Variants in PLCB1 observed in about 807,000 individuals in gnomAD.
The protein encoded by PLCB1 is 1-phosphatidylinositol 4,5-bisphosphate phosphodiesterase beta-1.
PLCB1 carries 46 observed loss-of-function variants against 161.8 expected under a neutral mutation model. The ratio of observed to expected loss-of-function variants is 0.28; its 90% confidence interval spans 0.22 to 0.36. The LOEUF (loss-of-function observed/expected upper bound fraction) is 0.36, where lower values mean the gene tolerates loss of function less well. Among genes scored for constraint, PLCB1 ranks in the 10% least tolerant of loss-of-function variants. PLCB1 has a pLI of 1.00. For synonymous variants in PLCB1, 517 were observed against 503.7 expected (o/e 1.03, Z -0.35); for missense variants, 1,016 against 1,472.5 (o/e 0.69, Z 5.07).
Position 8,603,839 on chromosome 20 carries a change from A to C in PLCB1, c.247-24455A>C, listed in dbSNP as rs146311106. Among the ~76,000 whole-genome samples, 256 of 152,306 alleles carry C rather than the reference A, an allele frequency of 1.7e-3. 2 individuals are homozygous for C. The highest frequency in any genetic ancestry group is 0.01 in the Middle Eastern group (3 of 294). On this transcript the variant is annotated intron_variant, in intron 3 of 31. Transcript: ENST00000338037. ...GGACAGGTCAAAGTGGGTGATTTCA[A>C]CTGCTTAATGGGTACAGAATTTTAT...
At chr20:8,794,797 A>C (rs1983936443) in intron 31 of PLCB1, among the ~76,000 whole-genome samples, 1 of 151,466 alleles carries the variant, frequency 6.6e-6, no homozygotes, top group Non-Finnish European at 1.5e-5. Context: ...TAAATAAACA[A>C]CTCCTTTGAA....
intron 3 of PLCB1, among the ~76,000 whole-genome samples, chr20:8,372,663 A>G (rs920257213): frequency 8.5e-5 from 13 of 152,322 alleles, no homozygotes; most frequent in Admixed American, 5.2e-4. Flanking sequence ...CAGACTTACT[A>G]TAATTAATGC....
rs1393109653 is a variant in PLCB1, at chr20:8,760,426, C to G, written c.2676C>G (p.Ala892=). The change falls in exon 25 of 32, where the codon GCC becomes GCG. Residue 892 remains alanine, a synonymous_variant. Transcript: ENST00000338037. ...TTACAGGTTCTGTAAAGGCACCTGC[C>G]AAAACAGAAGATCTTATTCAGAGTG... ...QPAPGSVKAP[A]KTEDLIQSVL... The G allele has an allele frequency of 6.2e-7, 1 of 1,610,360 alleles. No homozygotes were observed.
intron 3 of PLCB1, among the ~76,000 whole-genome samples, chr20:8,381,640 A>G (rs1987256707): frequency 6.6e-6 from 1 of 152,146 alleles, no homozygotes; most frequent in African/African-American, 2.4e-5. Context: ...TGGTCTATTC[A>G]TGGATTTGAC....
At chr20:8,722,558 G>C in intron 15 of PLCB1, 137 bp downstream of exon 15, 1 of 505,366 alleles carries the variant, frequency 2.0e-6, no homozygotes, top group Non-Finnish European at 3.5e-6. Flanking sequence ...AATTTTTGAG[G>C]CAATTAAATG....
intron 31 of PLCB1, among the ~76,000 whole-genome samples, chr20:8,880,192 G>C (rs1987923219): frequency 6.6e-6 from 1 of 152,134 alleles, no homozygotes; most frequent in African/African-American, 2.4e-5. Flanking sequence ...CTTGCATGGT[G>C]TTTCAAGGAT....
chr20:8,513,334 G>A (rs1983971697), intron 3 of PLCB1, among the ~76,000 whole-genome samples: 1 of 152,170 alleles, frequency 6.6e-6, no homozygotes, highest in Non-Finnish European at 1.5e-5. Context: ...CATGTGTTAT[G>A]CAGTAATGAA....
chr20:8,720,174 G>T (rs1979548640), intron 14 of PLCB1, among the ~76,000 whole-genome samples: 2 of 152,162 alleles, frequency 1.3e-5, no homozygotes, highest in Admixed American at 1.3e-4. Context: ...AGCAAACCTT[G>T]TCTTCCTTTG....
At chr20:8,349,828 T>C (rs999444340) in intron 2 of PLCB1, among the ~76,000 whole-genome samples, 5 of 152,058 alleles carry the variant, frequency 3.3e-5, no homozygotes, top group Non-Finnish European at 7.4e-5. Context: ...CAGAATGGTC[T>C]GTGGAAAAAG....
chr20:8,628,385 A>G lies in PLCB1; in HGVS notation c.338A>G (p.Asn113Ser). 25 of 1,614,118 alleles carry G rather than the reference A, an allele frequency of 1.5e-5. No homozygotes were observed. The highest frequency in any genetic ancestry group is 2.0e-5 in the Non-Finnish European group (24 of 1,179,996). The change falls in exon 4 of 32, where the codon AAC (asparagine) becomes AGC (serine). Residue 113 changes from asparagine to serine, a missense_variant. This residue lies in a region of PLCB1 where 181 missense variants were observed against 236.7 expected (regional missense o/e 0.76). Coordinates refer to ENST00000338037, the MANE Select transcript of PLCB1 (RefSeq NM_015192.4). ...ITVVYGPDLV[N>S]ISHLNLVAFQ... is the part of the protein sequence containing the mutation. ...GTGGTGTATGGGCCTGACCTCGTGA[A>G]CATCTCCCATTTGAATCTCGTGGCT...
At chr20:8,183,615 G>C (rs189527407) in intron 2 of PLCB1, among the ~76,000 whole-genome samples, 1 of 152,236 alleles carries the variant, frequency 6.6e-6, no homozygotes, top group Non-Finnish European at 1.5e-5. Flanking sequence ...AGTTTTATAA[G>C]TGTGGCTTAC....
At chr20:8,851,092 C>G (rs1361103987) in intron 31 of PLCB1, among the ~76,000 whole-genome samples, 2 of 152,152 alleles carry the variant, frequency 1.3e-5, no homozygotes, top group Admixed American at 1.3e-4. Flanking sequence ...TGTTTCCTTG[C>G]TTTAATTGAA....
At chr20:8,815,670 G>A (rs2206490) in intron 31 of PLCB1, among the ~76,000 whole-genome samples, 10,029 of 152,110 alleles carry the variant, frequency 0.066, 877 homozygotes, top group African/African-American at 0.2. Context: ...CCTCAAACCC[G>A]ACCACTCTCT....
chr20:8,200,988 T>C (rs1209026753), intron 2 of PLCB1, among the ~76,000 whole-genome samples: 1 of 152,134 alleles, frequency 6.6e-6, no homozygotes, highest in Non-Finnish European at 1.5e-5. Flanking sequence ...CTGCATATAA[T>C]AAAATAAGCT....
chr20:8,750,825 A>G (rs1350827247), intron 23 of PLCB1: 1 of 1,364,360 alleles, frequency 7.3e-7, no homozygotes, highest in Non-Finnish European at 9.8e-7. Context: ...GCATGATGAA[A>G]TTATGAGACT....
At chr20:8,600,365 G>T (rs865803360) in intron 3 of PLCB1, among the ~76,000 whole-genome samples, 1,468 of 106,758 alleles carry the variant, frequency 0.014, 145 homozygotes, top group Middle Eastern at 0.023. Context: ...TGCCGTGTGA[G>T]GTGTCAGTGT....
intron 9 of PLCB1, among the ~76,000 whole-genome samples, chr20:8,679,583 G>A (rs763274117): frequency 6.6e-5 from 10 of 152,192 alleles, no homozygotes; most frequent in Non-Finnish European, 8.8e-5. Context: ...GTATCATTAC[G>A]TCATAGCAGA....
At chr20:8,299,795 T>G (rs1983813302) in intron 2 of PLCB1, among the ~76,000 whole-genome samples, 1 of 152,192 alleles carries the variant, frequency 6.6e-6, no homozygotes. Context: ...CACGTCCTGT[T>G]GATTTAATGT....
intron 9 of PLCB1, among the ~76,000 whole-genome samples, chr20:8,676,648 C>T (rs936851371): frequency 7.9e-5 from 12 of 151,456 alleles, no homozygotes; most frequent in East Asian, 4.0e-4. Flanking sequence ...GGGATTACTC[C>T]GAAAGATACA....
Sources: gnomAD v4.1 joint callset for allele counts (sites outside exome capture counted in the v4.1 genomes callset) on GRCh38, gnomAD v4.1.1 for gene constraint, gnomAD v4.1.1 regional missense constraint, MANE v1.5 for transcripts, NCBI Gene and HGNC (gene_info 2026-07-23, HGNC 2026-07-21) for gene names.